GNAQ: variants seen among roughly 807,000 people sequenced by gnomAD.
GNAQ encodes G protein subunit alpha q.
A neutral mutation model predicts 43.9 loss-of-function variants in GNAQ; 8 were observed. That is an observed-to-expected ratio of 0.18 (90% CI 0.11 to 0.33). The LOEUF is 0.33. Among genes scored for constraint, GNAQ ranks in the 10% least tolerant of loss-of-function variants. GNAQ has a pLI of 1.00. For synonymous variants in GNAQ, 155 were observed against 170.7 expected, an observed-to-expected ratio of 0.91 and a Z score of 0.71; for missense variants, 158 against 450.8, an observed-to-expected ratio of 0.35 and a Z score of 5.88.
intron 2 of GNAQ, among the ~76,000 whole-genome samples, chr9:77,856,416 A>G (rs1033762412): frequency 5.3e-5 from 8 of 152,182 alleles, no homozygotes; most frequent in African/African-American, 1.7e-4. Flanking sequence ...CATGGGGTGG[A>G]TGTGTTTTTA....
At position 77,719,762 on chromosome 9, in the gene GNAQ, T is replaced by C. The variant is rs1490372577; in HGVS notation, c.*1561A>G. On this transcript the variant is annotated 3_prime_UTR_variant, in exon 7 of 7. Transcript: ENST00000286548. ...TATTTTTTTTGCATTTGTTGAAAAA[T>C]TGCACATATAGAATTCCAAACATTT... 2.1e-5 allele frequency: 5 copies of C among 232,658 alleles called. No individual in the cohort carries two copies. Among genetic ancestry groups the C allele is most frequent in the Non-Finnish European group, 4.2e-5 (5 of 117,798 alleles). The allele number at this position is 232,658 out of a possible 1,614,324, so 14.4% of individuals were successfully genotyped here.
intron 3 of GNAQ, among the ~76,000 whole-genome samples, chr9:77,813,279 T>C (rs945740535): frequency 7.2e-5 from 11 of 152,322 alleles, no homozygotes; most frequent in African/African-American, 2.6e-4. Flanking sequence ...TGTAGAACTA[T>C]TTAAAGAATA....
intron 5 of GNAQ, among the ~76,000 whole-genome samples, chr9:77,767,335 G>T (rs1826152746): frequency 6.6e-6 from 1 of 152,050 alleles, no homozygotes; most frequent in Non-Finnish European, 1.5e-5. Flanking sequence ...CCCTAATTGT[G>T]AGAACCCAAA....
At position 78,031,197 on chromosome 9, in the gene GNAQ, C is replaced by T. The variant is rs1587470323; in HGVS notation, c.39G>A (p.Glu13=). 1.9e-6 allele frequency: 3 copies of T among 1,552,108 alleles called. No individual in the cohort carries two copies. Among genetic ancestry groups the T allele is most frequent in the East Asian group, 2.6e-5 (1 of 38,088 alleles). The change falls in exon 1 of 7, where the codon GAG becomes GAA. Residue 13 remains glutamate, a synonymous_variant. Transcript: ENST00000286548. ...LESIMACCLS[E]EAKEARRIND... is the part of the protein sequence containing the mutation. The stretch of plus-strand genomic sequence containing the variant: ...TGATCCGCCGGGCTTCCTTGGCCTC[C>T]TCGCTCAGGCAGCACGCCATGATGG...
intron 5 of GNAQ, among the ~76,000 whole-genome samples, chr9:77,753,541 C>T (rs1167240433): frequency 6.6e-6 from 1 of 152,162 alleles, no homozygotes; most frequent in African/African-American, 2.4e-5. Context: ...AACGAATAAC[C>T]TTTCACAGAG....
chr9:77,760,805 C>G (rs888426520), intron 5 of GNAQ, among the ~76,000 whole-genome samples: 1 of 151,298 alleles, frequency 6.6e-6, no homozygotes, highest in Non-Finnish European at 1.5e-5. Context: ...AAGTGAGGAG[C>G]GTCTCTGCCC....
intron 1 of GNAQ, among the ~76,000 whole-genome samples, chr9:77,997,580 C>G (rs750691138): frequency 6.6e-6 from 1 of 152,098 alleles, no homozygotes; most frequent in Non-Finnish European, 1.5e-5. Context: ...GTGATCAGAA[C>G]GGGATCCCCT....
intron 1 of GNAQ, among the ~76,000 whole-genome samples, chr9:78,015,405 A>C (rs141039305): frequency 6.6e-6 from 1 of 152,336 alleles, no homozygotes; most frequent in East Asian, 1.9e-4. Context: ...AACTGTACTT[A>C]CATAGAGCAA....
chr9:77,860,751 A>T (rs911997458), intron 2 of GNAQ, among the ~76,000 whole-genome samples: 3 of 152,094 alleles, frequency 2.0e-5, no homozygotes, highest in African/African-American at 7.2e-5. Flanking sequence ...TCCCCACAGG[A>T]CTGGAAGGCA....
At chr9:77,761,867 G>A (rs1587904113) in intron 5 of GNAQ, among the ~76,000 whole-genome samples, 2 of 71,152 alleles carry the variant, frequency 2.8e-5, no homozygotes, top group Admixed American at 1.3e-4. Flanking sequence ...TCAGCCCCCC[G>A]CCTGGCCAGC....
At chr9:77,785,083 T>C (rs1007992295) in intron 5 of GNAQ, among the ~76,000 whole-genome samples, 1 of 152,200 alleles carries the variant, frequency 6.6e-6, no homozygotes, top group Non-Finnish European at 1.5e-5. Flanking sequence ...ACCCCAGAAC[T>C]TGTGAATGCA....
At chr9:77,795,857 C>T (rs1001061482) in intron 4 of GNAQ, among the ~76,000 whole-genome samples, 1 of 152,184 alleles carries the variant, frequency 6.6e-6, no homozygotes, top group Admixed American at 6.5e-5. Flanking sequence ...TAAGTCATTA[C>T]TTTTACTGTA....
At chr9:77,779,801 C>T (rs1826363475) in intron 5 of GNAQ, among the ~76,000 whole-genome samples, 1 of 151,376 alleles carries the variant, frequency 6.6e-6, no homozygotes, top group East Asian at 1.9e-4. Flanking sequence ...AAACTCTATG[C>T]CCAAAATTTG....
intron 2 of GNAQ, among the ~76,000 whole-genome samples, chr9:77,849,177 T>C (rs543163356): frequency 2.6e-4 from 39 of 152,284 alleles, no homozygotes; most frequent in African/African-American, 9.4e-4. Flanking sequence ...AGGACGTCGA[T>C]TATTTAACCG....
intron 5 of GNAQ, among the ~76,000 whole-genome samples, chr9:77,739,819 CAGG>C (rs1825627108): frequency 6.6e-6 from 1 of 152,146 alleles, no homozygotes; most frequent in African/African-American, 2.4e-5. Flanking sequence ...GGCCAAATTA[CAGG>C]AGATTTTGGA....
chr9:78,026,477 C>T (rs1454532609), intron 1 of GNAQ, among the ~76,000 whole-genome samples: 1 of 152,196 alleles, frequency 6.6e-6, no homozygotes, highest in East Asian at 1.9e-4. Context: ...ATATTCAACA[C>T]TTGGAAGCTA....
intron 1 of GNAQ, among the ~76,000 whole-genome samples, chr9:77,962,805 T>A (rs935052390): frequency 6.6e-6 from 1 of 150,492 alleles, no homozygotes; most frequent in African/African-American, 2.5e-5. Flanking sequence ...GGCAAGAGAA[T>A]TGCTTGAACC....
intron 2 of GNAQ, among the ~76,000 whole-genome samples, chr9:77,899,014 C>T (rs1218902322): frequency 6.6e-6 from 1 of 152,094 alleles, no homozygotes; most frequent in African/African-American, 2.4e-5. Context: ...AATTTACTTC[C>T]TTATTGATAG....
At chr9:77,941,110 T>C (rs1366066101) in intron 1 of GNAQ, among the ~76,000 whole-genome samples, 1 of 152,228 alleles carries the variant, frequency 6.6e-6, no homozygotes, top group Non-Finnish European at 1.5e-5. Context: ...ATAATATTTT[T>C]CAAGTATTAA....
Sources: gnomAD v4.1 joint callset for allele counts (sites outside exome capture counted in the v4.1 genomes callset) on GRCh38, gnomAD v4.1.1 for gene constraint, MANE v1.5 for transcripts, NCBI Gene and HGNC (gene_info 2026-07-23, HGNC 2026-07-21) for gene names.